Variants in MYO1B observed in about 807,000 individuals in gnomAD.
MYO1B encodes myosin IB, also known as unconventional myosin-Ib.
Under a neutral mutation model 159.7 loss-of-function variants are expected in MYO1B, and 72 were observed. The observed-to-expected ratio is 0.45, with a 90% CI of 0.37 to 0.55. MYO1B has a LOEUF of 0.55. MYO1B is among the 20% of genes least tolerant of loss of function. MYO1B has a pLI of 0.00. For missense variants in MYO1B, 1,062 were observed against 1,364.8 expected (o/e 0.78, Z 3.50); for synonymous variants, 468 against 473.8 (o/e 0.99, Z 0.16).
chr2:191,282,769 G>A lies in MYO1B; in HGVS notation c.135+5739G>A, dbSNP rs189633740. Among the ~76,000 whole-genome samples the A allele has an allele frequency of 7.4e-4, 113 of 152,276 alleles. 3 individuals carry two copies. Among genetic ancestry groups the A allele is most frequent in the South Asian group, 6.2e-3 (30 of 4,826 alleles). On this transcript the variant is annotated intron_variant, in intron 2 of 30. Coordinates refer to ENST00000392318, the MANE Select transcript of MYO1B (RefSeq NM_001130158.3). Reference sequence around the variant, plus strand: ...ACCCAACAGAGTTTGCATGGAACAAGAGCAATCTTTAATGCCACCTCCAAT... The same window carrying A: ...ACCCAACAGAGTTTGCATGGAACAAAAGCAATCTTTAATGCCACCTCCAAT...
chr2:191,394,673 G>A (rs551747268), intron 20 of MYO1B, among the ~76,000 whole-genome samples: 2 of 152,160 alleles, frequency 1.3e-5, no homozygotes, highest in East Asian at 1.9e-4. Context: ...AAGCTAGAGT[G>A]GTCAAGGAGA....
At chr2:191,357,464 C>A (rs187028854) in intron 7 of MYO1B, among the ~76,000 whole-genome samples, 1 of 152,286 alleles carries the variant, frequency 6.6e-6, no homozygotes, top group Admixed American at 6.5e-5. Context: ...ATATGTTTAT[C>A]TCTTACCTTA....
At chr2:191,371,491 A>T (rs7609247) in intron 13 of MYO1B, among the ~76,000 whole-genome samples, 23,139 of 152,152 alleles carry the variant, frequency 0.15, 4,572 homozygotes, top group African/African-American at 0.46. Context: ...AGCCTCATGA[A>T]GTAGCTGTTA....
At chr2:191,261,589 C>T (rs1027394250) in intron 1 of MYO1B, among the ~76,000 whole-genome samples, 4 of 152,174 alleles carry the variant, frequency 2.6e-5, no homozygotes, top group Admixed American at 6.6e-5. Context: ...CCTTCTGGAA[C>T]GTTGCTGGTC....
intron 4 of MYO1B, among the ~76,000 whole-genome samples, chr2:191,331,480 C>T (rs1691470228): frequency 6.6e-6 from 1 of 152,216 alleles, no homozygotes; most frequent in South Asian, 2.1e-4. Context: ...CTACCTGGAA[C>T]TTTACCATAT....
intron 17 of MYO1B, 96 bp downstream of exon 17, chr2:191,387,546 C>A: frequency 2.8e-6 from 3 of 1,065,158 alleles, no homozygotes; most frequent in Non-Finnish European, 2.9e-6. Context: ...GTAGCCCAAG[C>A]AGAGGGTAAC....
intron 3 of MYO1B, among the ~76,000 whole-genome samples, chr2:191,304,495 A>G (rs1689525670): frequency 6.6e-6 from 1 of 152,118 alleles, no homozygotes; most frequent in South Asian, 2.1e-4. Flanking sequence ...GCTTGAACCC[A>G]GGAGGCGGAG....
Position 191,283,120 on chromosome 2 carries a change from G to C in MYO1B, c.135+6090G>C, listed in dbSNP as rs73981539. ...GGACAGTCATTTTTGCTAATAACTT[G>C]CCAGCTTCAACCCATGCAAACTTTC... On this transcript the variant is annotated intron_variant, in intron 2 of 30. Transcript: ENST00000392318. Among the ~76,000 whole-genome samples, 214 of 152,264 alleles carry C rather than the reference G, an allele frequency of 1.4e-3. 1 individual carries two copies. Among genetic ancestry groups the C allele is most frequent in the African/African-American group, 5.0e-3 (206 of 41,554 alleles).
intron 23 of MYO1B, 59 bp from the exon 24 acceptor site, chr2:191,402,573 G>C (rs967632513): frequency 2.1e-6 from 3 of 1,414,676 alleles, no homozygotes; most frequent in African/African-American, 2.8e-5. Flanking sequence ...ATCTTTTTCT[G>C]GTCATTTGTG....
intron 3 of MYO1B, 58 bp from the exon 4 acceptor site, chr2:191,329,877 G>C (rs761322979): frequency 1.2e-5 from 18 of 1,470,844 alleles, no homozygotes; most frequent in Non-Finnish European, 1.7e-5. Flanking sequence ...AGTTCCATCT[G>C]ATAAACACAT....
At chr2:191,318,325 T>C (rs1690484491) in intron 3 of MYO1B, among the ~76,000 whole-genome samples, 1 of 152,224 alleles carries the variant, frequency 6.6e-6, no homozygotes, top group African/African-American at 2.4e-5. Flanking sequence ...ATCAAGCTTT[T>C]AGGATTTGAT....
At chr2:191,406,361 T>A (rs898383736) in intron 24 of MYO1B, among the ~76,000 whole-genome samples, 1 of 152,246 alleles carries the variant, frequency 6.6e-6, no homozygotes, top group African/African-American at 2.4e-5. Context: ...ATGTTTCCTT[T>A]GCATTTATAA....
At chr2:191,294,490 A>C (rs550865916) in intron 2 of MYO1B, among the ~76,000 whole-genome samples, 1 of 152,342 alleles carries the variant, frequency 6.6e-6, no homozygotes, top group South Asian at 2.1e-4. Flanking sequence ...GCTGGAAGCT[A>C]TTCAGACAAG....
intron 7 of MYO1B, among the ~76,000 whole-genome samples, chr2:191,351,497 A>G (rs1476999921): frequency 1.3e-5 from 2 of 152,232 alleles, no homozygotes; most frequent in African/African-American, 2.4e-5. Context: ...GAGAGTAACC[A>G]TCTAGGGCTA....
chr2:191,266,567 G>A (rs1025359021), intron 1 of MYO1B, among the ~76,000 whole-genome samples: 1 of 152,090 alleles, frequency 6.6e-6, no homozygotes, highest in African/African-American at 2.4e-5. Context: ...TAGACTGAAG[G>A]GTATATGTAA....
chr2:191,387,116 T>C, intron 16 of MYO1B, 108 bp from the exon 17 acceptor site: 1 of 1,097,318 alleles, frequency 9.1e-7, no homozygotes, highest in Admixed American at 2.3e-5. Flanking sequence ...GATTTTTTGA[T>C]GGTGAAGGAA....
intron 21 of MYO1B, among the ~76,000 whole-genome samples, chr2:191,399,465 A>G (rs916270265): frequency 1.3e-5 from 2 of 152,256 alleles, no homozygotes; most frequent in Non-Finnish European, 2.9e-5. Flanking sequence ...TAGTAGCGAT[A>G]GACTGTGTGA....
intron 2 of MYO1B, among the ~76,000 whole-genome samples, chr2:191,288,527 G>A (rs976391962): frequency 2.0e-5 from 3 of 152,150 alleles, no homozygotes; most frequent in Admixed American, 2.0e-4. Context: ...TTAATGTCTA[G>A]AGAAGTTAAC....
At chr2:191,371,479 A>G (rs370855607) in intron 13 of MYO1B, among the ~76,000 whole-genome samples, 1 of 152,198 alleles carries the variant, frequency 6.6e-6, no homozygotes, top group South Asian at 2.1e-4. Flanking sequence ...ACTTTTCAAA[A>G]CAGCCTCATG....
Sources: allele counts gnomAD v4.1 joint callset (sites outside exome capture counted in the v4.1 genomes callset), GRCh38; gene constraint gnomAD v4.1.1; transcripts MANE v1.5; gene names NCBI Gene and HGNC (gene_info 2026-07-23, HGNC 2026-07-21).